Variants in PTPRA observed in about 807,000 individuals in gnomAD.
The protein encoded by PTPRA is protein tyrosine phosphatase receptor type A.
A neutral mutation model predicts 104.8 loss-of-function variants in PTPRA; 25 were observed. That is an observed-to-expected ratio of 0.24 (90% CI 0.17 to 0.33). The LOEUF is 0.33. PTPRA is among the 10% of genes least tolerant of loss of function. The pLI is 1.00. For missense variants in PTPRA, 765 were observed against 1,015.3 expected, an observed-to-expected ratio of 0.75 and a Z score of 3.35; for synonymous variants, 323 against 368.9, an observed-to-expected ratio of 0.88 and a Z score of 1.43.
chr20:3,022,326 A>T lies in PTPRA; in HGVS notation c.1328+106A>T, dbSNP rs2064917666. 1 of 1,391,136 alleles carries T rather than the reference A, an allele frequency of 7.2e-7. No homozygotes were observed. 86.2% of individuals were successfully genotyped at this position (1,391,136 alleles called of 1,614,324 possible). A position where few individuals can be genotyped will look rare whatever the true frequency, so the allele number is the denominator to read the frequency against. On this transcript the variant is annotated intron_variant, in intron 15 of 23. Transcript: ENST00000399903. The surrounding 1 kb of genome is among the most constrained non-coding windows in gnomAD (Gnocchi z 4.6). The stretch of plus-strand genomic sequence containing the variant: ...GGCTGAGGAGGCTGGCACAGAGTAG[A>T]TGACCTACTGGGGCACCAGCGCAAC...
At chr20:2,929,865 G>A (rs1413925159) in intron 2 of PTPRA, among the ~76,000 whole-genome samples, 1 of 152,126 alleles carries the variant, frequency 6.6e-6, no homozygotes, top group South Asian at 2.1e-4. Flanking sequence ...GATTAAAAGA[G>A]GTCTTTAGGG....
intron 1 of PTPRA, among the ~76,000 whole-genome samples, chr20:2,898,229 G>A (rs912163228): frequency 6.6e-5 from 10 of 151,796 alleles, no homozygotes; most frequent in African/African-American, 1.7e-4. Flanking sequence ...CCAGGCATGC[G>A]CCACCATGCC....
At chr20:2,904,536 G>A (rs1373259126) in intron 1 of PTPRA, among the ~76,000 whole-genome samples, 1 of 151,874 alleles carries the variant, frequency 6.6e-6, no homozygotes, top group African/African-American at 2.4e-5. Context: ...GGGCATGGTA[G>A]CGGATGCCTG....
chr20:3,015,983 T>G, intron 12 of PTPRA, 98 bp downstream of exon 12: 1 of 1,211,784 alleles, frequency 8.3e-7, no homozygotes, highest in African/African-American at 1.5e-5. Context: ...ACCAGAATGC[T>G]GTAGCTTTTC....
chr20:3,016,347 A>G (rs1022977993), intron 12 of PTPRA, among the ~76,000 whole-genome samples: 2 of 152,252 alleles, frequency 1.3e-5, no homozygotes, highest in Non-Finnish European at 2.9e-5. Flanking sequence ...TCAGGGACCC[A>G]GCACCATGTC....
chr20:2,958,850 A>G (rs2147878840), intron 3 of PTPRA, among the ~76,000 whole-genome samples: 1 of 150,432 alleles, frequency 6.6e-6, no homozygotes, highest in East Asian at 1.9e-4. Context: ...GTATCAAAAA[A>G]AAAAAAAAAA....
At chr20:2,991,127 G>A (rs993127406) in intron 9 of PTPRA, among the ~76,000 whole-genome samples, 17 of 152,100 alleles carry the variant, frequency 1.1e-4, no homozygotes, top group African/African-American at 4.1e-4. Flanking sequence ...GCCAAGCCAG[G>A]CAGATCACCT....
rs535619639 is a variant in PTPRA, at chr20:3,019,374, G to A, written c.1041+1461G>A. Among the ~76,000 whole-genome samples, 464 of 149,548 alleles carry A rather than the reference G, an allele frequency of 3.1e-3. 1 individual carries two copies. The highest frequency in any genetic ancestry group is 5.2e-3 in the Non-Finnish European group (350 of 67,362). Reference sequence around the variant, plus strand: ...TTCTCAGACCGGGCGGCTGCTGGGCGGAGGGGCTCCTCACTTCTCAGACGG... The same window carrying A: ...TTCTCAGACCGGGCGGCTGCTGGGCAGAGGGGCTCCTCACTTCTCAGACGG... On this transcript the variant is annotated intron_variant, in intron 13 of 23. Coordinates refer to ENST00000399903, the MANE Select transcript of PTPRA (RefSeq NM_001385305.1).
At chr20:3,019,443 G>A (rs1283420156) in intron 13 of PTPRA, among the ~76,000 whole-genome samples, 3 of 151,260 alleles carry the variant, frequency 2.0e-5, no homozygotes, top group African/African-American at 4.9e-5. Context: ...CAGACGGGGC[G>A]GCCAGGCAGA....
chr20:2,937,594 A>G (rs2060753023), intron 2 of PTPRA, among the ~76,000 whole-genome samples: 1 of 152,158 alleles, frequency 6.6e-6, no homozygotes. Context: ...GAATAAACAT[A>G]TATATATGCA....
chr20:2,891,501 A>G (rs961632597), intron 1 of PTPRA, among the ~76,000 whole-genome samples: 2 of 152,074 alleles, frequency 1.3e-5, no homozygotes, highest in African/African-American at 4.8e-5. Flanking sequence ...TGACATTATA[A>G]TTTATCAGAT....
At chr20:2,868,948 G>C (rs1216685246), upstream of PTPRA, among the ~76,000 whole-genome samples, 1 of 152,156 alleles carries the variant, frequency 6.6e-6, no homozygotes, top group African/African-American at 2.4e-5. Context: ...TATATCAACA[G>C]TGATTTCAAC....
At chr20:3,021,829 G>C (rs1261824856) in intron 14 of PTPRA, among the ~76,000 whole-genome samples, 3 of 152,214 alleles carry the variant, frequency 2.0e-5, no homozygotes, top group Non-Finnish European at 1.5e-5. Context: ...CTTCAGCCAA[G>C]GGGCAGTGTG....
chr20:2,952,442 G>GTTCT (rs1470077163), intron 3 of PTPRA, among the ~76,000 whole-genome samples: 4 of 151,936 alleles, frequency 2.6e-5, no homozygotes, highest in African/African-American at 9.7e-5. Context: ...AGCTTTGAGA[G>GTTCT]TTCTTTATAT....
chr20:2,936,653 G>A (rs553661328), intron 2 of PTPRA, among the ~76,000 whole-genome samples: 2 of 146,278 alleles, frequency 1.4e-5, no homozygotes, highest in African/African-American at 5.1e-5. Context: ...GGGTTTTTTT[G>A]GTAGAGACAG....
chr20:2,950,215 TC>T lies in PTPRA; in HGVS notation c.-7+2192del, dbSNP rs1193771353. ...TTGTAAGAATATTCAGGTCTTTTGT[TC>T]TTCCTGGGCTAGTTTTTTATTCTTT... On this transcript the variant is annotated intron_variant, in intron 3 of 23. Coordinates refer to ENST00000399903, the MANE Select transcript of PTPRA (RefSeq NM_001385305.1). The surrounding 1 kb of genome is among the most constrained non-coding windows in gnomAD (Gnocchi z 4.0). Among the ~76,000 whole-genome samples, 1 of 152,190 alleles carries T rather than the reference TC, an allele frequency of 6.6e-6. No individual in the cohort carries two copies. The highest frequency in any genetic ancestry group is 1.5e-5 in the Non-Finnish European group (1 of 68,028).
At chr20:2,947,126 T>TAAGG (rs2061165545) in intron 2 of PTPRA, among the ~76,000 whole-genome samples, 1 of 152,134 alleles carries the variant, frequency 6.6e-6, no homozygotes, top group Admixed American at 6.6e-5. Flanking sequence ...TGGACTGTCA[T>TAAGG]TACCTTGCAA....
At chr20:3,023,195 C>G (rs2064965474) in intron 16 of PTPRA, among the ~76,000 whole-genome samples, 1 of 152,170 alleles carries the variant, frequency 6.6e-6, no homozygotes, top group Non-Finnish European at 1.5e-5. Flanking sequence ...AAGTCATCGC[C>G]GTTCTCCAGT....
At chr20:3,014,924 G>A (rs2064360253) in intron 11 of PTPRA, among the ~76,000 whole-genome samples, 1 of 152,210 alleles carries the variant, frequency 6.6e-6, no homozygotes. Flanking sequence ...AATAAAGACT[G>A]AAAAAGAAAG....
Sources: allele counts gnomAD v4.1 joint callset (sites outside exome capture counted in the v4.1 genomes callset), GRCh38; gene constraint gnomAD v4.1.1; non-coding constraint Gnocchi (gnomAD v3.1); transcripts MANE v1.5; gene names NCBI Gene and HGNC (gene_info 2026-07-23, HGNC 2026-07-21).